Variants in APCDD1 observed in about 807,000 individuals in gnomAD.
The protein encoded by APCDD1 is APC down-regulated 1, also known as protein APCDD1.
A neutral mutation model predicts 38.1 loss-of-function variants in APCDD1; 15 were observed. The ratio of observed to expected loss-of-function variants is 0.39; its 90% confidence interval spans 0.26 to 0.61. The LOEUF is 0.61. Ranked by LOEUF, APCDD1 falls within the 20% of genes least tolerant of loss-of-function variation. APCDD1 has a pLI of 0.49. For synonymous variants in APCDD1, 261 were observed against 279.7 expected, an observed-to-expected ratio of 0.93 and a Z score of 0.67; for missense variants, 647 against 696.2, an observed-to-expected ratio of 0.93 and a Z score of 0.79.
At chr18:10,464,092 G>A (rs944794549) in intron 1 of APCDD1, among the ~76,000 whole-genome samples, 14 of 152,152 alleles carry the variant, frequency 9.2e-5, no homozygotes, top group African/African-American at 3.4e-4. Context: ...CATATTGGAG[G>A]TTCTTAGATT....
intron 1 of APCDD1, among the ~76,000 whole-genome samples, chr18:10,458,157 G>T (rs951008701): frequency 2.8e-4 from 43 of 152,182 alleles, no homozygotes; most frequent in African/African-American, 9.4e-4. Context: ...CCGCAGTGGA[G>T]TGCCTGATTC....
At chr18:10,481,987 G>A (rs561377486) in intron 3 of APCDD1, among the ~76,000 whole-genome samples, 1 of 152,248 alleles carries the variant, frequency 6.6e-6, no homozygotes, top group Non-Finnish European at 1.5e-5. Flanking sequence ...CTAAAGGAAA[G>A]CACCTCTGAA....
Position 10,469,215 on chromosome 18 carries a change from A to AT in APCDD1, c.242+573dup, listed in dbSNP as rs932691643. On this transcript the variant is annotated intron_variant, in intron 2 of 4. Transcript: ENST00000355285. The surrounding 1 kb of genome is among the most constrained non-coding windows in gnomAD (Gnocchi z 5.5). ...AAAATAGCCGAGAGGCAGATCTGCG[A>AT]TTTTTTTTTTCTACCCATTAGATTG... 2.9e-4 allele frequency among the ~76,000 whole-genome samples: 44 copies of AT among 150,322 alleles called. No homozygotes were observed. The highest frequency in any genetic ancestry group is 4.4e-4 in the Non-Finnish European group (30 of 67,418).
At chr18:10,480,874 C>T (rs769088365) in intron 3 of APCDD1, among the ~76,000 whole-genome samples, 1 of 150,334 alleles carries the variant, frequency 6.7e-6, no homozygotes, top group African/African-American at 2.5e-5. Context: ...TTTCCCACCT[C>T]CAACAGTGAG....
At chr18:10,474,111 A>T (rs1321791892) in intron 3 of APCDD1, 1 of 152,008 alleles carries the variant, frequency 6.6e-6, no homozygotes, top group African/African-American at 2.4e-5. Context: ...TTTAGTGGAG[A>T]TGGGGTTTCA....
chr18:10,473,452 C>G (rs564394), intron 3 of APCDD1, among the ~76,000 whole-genome samples: 50,426 of 152,136 alleles, frequency 0.33, 8,761 homozygotes, highest in Admixed American at 0.47. Context: ...TCATTTCATT[C>G]TGCCTTGTAA....
At chr18:10,468,762 T>G in intron 2 of APCDD1, 110 bp downstream of exon 2, 3 of 1,210,886 alleles carry the variant, frequency 2.5e-6, no homozygotes, top group Non-Finnish European at 3.6e-6. Context: ...ATGATTTAGG[T>G]GTTGTCCAAG....
rs1416929352 is a variant in APCDD1, at chr18:10,456,717, G to A, written c.58+1678G>A. Among the ~76,000 whole-genome samples, 3 of 152,194 alleles carry A rather than the reference G, an allele frequency of 2.0e-5. No homozygotes were observed. In the South Asian group the frequency reaches 6.2e-4, roughly 31 times the overall value. ...TAGCAGTCCAAGCTGGGGTAGTAAT[G>A]GCTGACAGGTAACAAGAGCCCAAGT... is the stretch of plus-strand genomic sequence containing the variant. On this transcript the variant is annotated intron_variant, in intron 1 of 4. Transcript: ENST00000355285.
chr18:10,481,779 C>T (rs1276146619), intron 3 of APCDD1, among the ~76,000 whole-genome samples: 2 of 151,954 alleles, frequency 1.3e-5, no homozygotes, highest in Non-Finnish European at 2.9e-5. Context: ...TTCTCAGGCC[C>T]ACCTGATGGA....
rs367556237 is a variant in APCDD1 at position 10,468,578 on chromosome 18, C to G, written c.168C>G (p.Leu56=). 2 of 1,614,000 alleles carry G rather than the reference C, an allele frequency of 1.2e-6. No homozygotes were observed. Among genetic ancestry groups the G allele is most frequent in the African/African-American group, 2.7e-5 (2 of 74,912 alleles). The change falls in exon 2 of 5, where the codon CTC becomes CTG. Residue 56 remains leucine (L), a synonymous_variant. Transcript: ENST00000355285. ...AFKESQCHHM[L]KHLHNGARIT... ...AGGAGTCACAGTGCCATCACATGCT[C>G]AAACATCTCCACAATGGTGCAAGGA...
At chr18:10,462,642 C>CTT (rs1193809886) in intron 1 of APCDD1, among the ~76,000 whole-genome samples, 2 of 108,706 alleles carry the variant, frequency 1.8e-5, no homozygotes, top group South Asian at 3.0e-4. Flanking sequence ...TCCTTCCCTC[C>CTT]CTCCTTCCTT....
At chr18:10,481,762 C>T (rs1478448954) in intron 3 of APCDD1, among the ~76,000 whole-genome samples, 1 of 152,048 alleles carries the variant, frequency 6.6e-6, no homozygotes, top group African/African-American at 2.4e-5. Flanking sequence ...CCTGCACCCT[C>T]CCTAAATTCT....
At chr18:10,462,801 G>A (rs893457628) in intron 1 of APCDD1, among the ~76,000 whole-genome samples, 2 of 151,940 alleles carry the variant, frequency 1.3e-5, no homozygotes, top group African/African-American at 4.8e-5. Context: ...TTTGTTGGGA[G>A]CTGTTCCCTT....
In APCDD1 at chr18:10,488,063, C is replaced by G; in HGVS notation, c.*25C>G. On this transcript the variant is annotated 3_prime_UTR_variant, in exon 5 of 5. Transcript: ENST00000355285. ...GAAGTTTTAGAAAGTTCTATTTTTCCAAACCAGGATTCCTTACTATTGACA... is the reference window on the plus strand; with the variant it reads ...GAAGTTTTAGAAAGTTCTATTTTTCGAAACCAGGATTCCTTACTATTGACA... The G allele has an allele frequency of 6.2e-7, 1 of 1,611,668 alleles. No homozygotes were observed. The highest frequency in any genetic ancestry group is 8.5e-7 in the Non-Finnish European group (1 of 1,179,696).
intron 3 of APCDD1, among the ~76,000 whole-genome samples, chr18:10,482,479 G>A (rs774179742): frequency 2.0e-5 from 3 of 152,156 alleles, no homozygotes; most frequent in African/African-American, 7.2e-5. Flanking sequence ...ATCTGACTCC[G>A]CGCTTCTTGT....
rs984183655 is a variant in APCDD1, at chr18:10,469,916, G to A, written c.242+1264G>A. On this transcript the variant is annotated intron_variant, in intron 2 of 4. Coordinates refer to ENST00000355285, the MANE Select transcript of APCDD1 (RefSeq NM_153000.5). This position sits in a 1 kb window ranked among gnomAD's most constrained non-coding sequence, Gnocchi z 5.5. Reference sequence around the variant, plus strand: ...GCCTCACATGAGGCTGCTGGGGAGGGTAGGCCAGCTCTAAGGCATCTTGCA... The same window carrying A: ...GCCTCACATGAGGCTGCTGGGGAGGATAGGCCAGCTCTAAGGCATCTTGCA... Among the ~76,000 whole-genome samples, 1 of 152,188 alleles carries A rather than the reference G, an allele frequency of 6.6e-6. No individual in the cohort carries two copies. Among genetic ancestry groups the A allele is most frequent in the Non-Finnish European group, 1.5e-5 (1 of 68,028 alleles).
intron 3 of APCDD1, among the ~76,000 whole-genome samples, chr18:10,479,855 CAGAG>C (rs2031094034): frequency 6.6e-6 from 1 of 152,174 alleles, no homozygotes; most frequent in African/African-American, 2.4e-5. Context: ...AATCAGAGAG[CAGAG>C]TAGGCAGAAC....
chr18:10,461,212 C>G (rs2030533654), intron 1 of APCDD1, among the ~76,000 whole-genome samples: 1 of 152,136 alleles, frequency 6.6e-6, no homozygotes, highest in African/African-American at 2.4e-5. Flanking sequence ...CTCCAGAGCT[C>G]CAGGATCTCA....
At chr18:10,457,756 G>A (rs1046163567) in intron 1 of APCDD1, among the ~76,000 whole-genome samples, 22 of 152,196 alleles carry the variant, frequency 1.4e-4, no homozygotes, top group African/African-American at 3.6e-4. Context: ...GTCTTTGTTC[G>A]GTTTTGTGGC....
Sources: allele counts gnomAD v4.1 joint callset (sites outside exome capture counted in the v4.1 genomes callset), GRCh38; gene constraint gnomAD v4.1.1; non-coding constraint Gnocchi (gnomAD v3.1); transcripts MANE v1.5; gene names NCBI Gene and HGNC (gene_info 2026-07-23, HGNC 2026-07-21).